UGGT2: variants seen among roughly 807,000 people sequenced by gnomAD.
UGGT2 encodes the protein UDP-glucose glycoprotein glucosyltransferase 2.
UGGT2 carries 180 observed loss-of-function variants against 192.1 expected under a neutral mutation model. That is an observed-to-expected ratio of 0.94 (90% confidence interval 0.83 to 1.06). The LOEUF is 1.06. UGGT2 is among the 50% of genes least tolerant of loss of function. The pLI is 0.00. For synonymous variants in UGGT2, 580 were observed against 591.0 expected (o/e 0.98, Z 0.27); for missense variants, 1,849 against 1,795.7 (o/e 1.03, Z -0.54).
At chr13:95,872,104 G>T (rs1891275035) in intron 29 of UGGT2, among the ~76,000 whole-genome samples, 1 of 152,178 alleles carries the variant, frequency 6.6e-6, no homozygotes, top group African/African-American at 2.4e-5. Context: ...GGCATTAAAG[G>T]TGCATAAATA....
chr13:96,020,339 C>T (rs1415636071), intron 4 of UGGT2, among the ~76,000 whole-genome samples: 1 of 152,066 alleles, frequency 6.6e-6, no homozygotes, highest in Non-Finnish European at 1.5e-5. Context: ...AACAGTCTCT[C>T]GGGGTAGTCC....
At chr13:95,894,934 G>A (rs960247652) in intron 23 of UGGT2, among the ~76,000 whole-genome samples, 6 of 152,144 alleles carry the variant, frequency 3.9e-5, no homozygotes, top group African/African-American at 9.7e-5. Flanking sequence ...CTTGGGGAGG[G>A]AGGAGACTGG....
At chr13:95,832,419 TCA>T (rs1886802375) in intron 38 of UGGT2, among the ~76,000 whole-genome samples, 1 of 152,112 alleles carries the variant, frequency 6.6e-6, no homozygotes, top group Non-Finnish European at 1.5e-5. Context: ...ACAGTTTTTT[TCA>T]TAAAAGGAAT....
rs2140052324 is a variant in UGGT2, at chr13:95,856,149, C to T, written c.4008+9G>A. The T allele has an allele frequency of 6.2e-7, 1 of 1,602,896 alleles. No homozygotes were observed. The highest frequency in any genetic ancestry group is 8.5e-7 in the Non-Finnish European group (1 of 1,175,958). The stretch of plus-strand genomic sequence containing the variant: ...GCGTATTACTAAAAATAGTAGTTAA[C>T]CTTATTACCTGGTCAGCATCAACAA... On this transcript the variant is annotated intron_variant, in intron 34 of 38. Coordinates refer to ENST00000376747, the MANE Select transcript of UGGT2 (RefSeq NM_020121.4).
intron 2 of UGGT2, among the ~76,000 whole-genome samples, chr13:96,029,298 T>C (rs942323993): frequency 2.0e-5 from 3 of 151,354 alleles, no homozygotes; most frequent in Non-Finnish European, 3.0e-5. Flanking sequence ...TATTTATTTA[T>C]TTTTTTGAGT....
chr13:95,857,296 C>A (rs1889709062), intron 33 of UGGT2, among the ~76,000 whole-genome samples: 1 of 151,896 alleles, frequency 6.6e-6, no homozygotes, highest in African/African-American at 2.4e-5. Context: ...AAATATGTGT[C>A]CAAATATTCA....
At chr13:95,930,567 A>G (rs1035936160) in intron 17 of UGGT2, among the ~76,000 whole-genome samples, 1 of 152,132 alleles carries the variant, frequency 6.6e-6, no homozygotes, top group Non-Finnish European at 1.5e-5. Context: ...AAATGTTTGT[A>G]GGTGTGTGGC....
chr13:95,891,105 G>A (rs1566646044), intron 24 of UGGT2, 141 bp from the exon 25 acceptor site: 4 of 555,904 alleles, frequency 7.2e-6, no homozygotes, highest in African/African-American at 3.9e-5. Flanking sequence ...CACAATGCTT[G>A]CAAATCTGAA....
chr13:95,907,963 G>T (rs2048346475), intron 20 of UGGT2, among the ~76,000 whole-genome samples: 1 of 152,120 alleles, frequency 6.6e-6, no homozygotes, highest in African/African-American at 2.4e-5. Context: ...GCTAAAGAAG[G>T]ATATTCGAAC....
At chr13:95,890,118 A>G (rs1237826959) in intron 25 of UGGT2, among the ~76,000 whole-genome samples, 1 of 152,204 alleles carries the variant, frequency 6.6e-6, no homozygotes, top group Non-Finnish European at 1.5e-5. Flanking sequence ...GGCCAAACCT[A>G]TAGAATACAA....
At chr13:95,814,413 T>C (rs1232606736) in intron 38 of UGGT2, among the ~76,000 whole-genome samples, 2 of 152,254 alleles carry the variant, frequency 1.3e-5, no homozygotes, top group Non-Finnish European at 1.5e-5. Context: ...CGGAGCTTTA[T>C]GATTTAATGA....
At chr13:95,943,083 T>C (rs1328093745) in intron 15 of UGGT2, among the ~76,000 whole-genome samples, 2 of 152,160 alleles carry the variant, frequency 1.3e-5, no homozygotes, top group Non-Finnish European at 2.9e-5. Flanking sequence ...TTGATAGATA[T>C]GTCTTTCCCT....
chr13:96,033,758 C>G (rs1211938093), intron 1 of UGGT2, among the ~76,000 whole-genome samples: 1 of 152,204 alleles, frequency 6.6e-6, no homozygotes, highest in East Asian at 1.9e-4. Flanking sequence ...AGCCCCCTAC[C>G]ACCTCAGCCC....
At position 95,877,447 on chromosome 13, in the gene UGGT2, A is replaced by G. The variant is rs1354716599; in HGVS notation, c.3388-83T>C. On this transcript the variant is annotated intron_variant, in intron 28 of 38. Transcript: ENST00000376747. ...CTCATGAATACACGAATGATCTAAGAAAGTATTTATTAACTGTAGAATGAA... is the reference window on the plus strand; with the variant it reads ...CTCATGAATACACGAATGATCTAAGGAAGTATTTATTAACTGTAGAATGAA... 3.4e-6 allele frequency: 4 copies of G among 1,163,828 alleles called. No individual in the cohort carries two copies. In the Admixed American group the frequency reaches 9.8e-5, roughly 29 times the overall value. The allele number at this position is 1,163,828 out of a possible 1,614,324, so 72.1% of individuals were successfully genotyped here.
chr13:96,011,333 T>C (rs955173849), intron 5 of UGGT2, among the ~76,000 whole-genome samples: 4 of 152,074 alleles, frequency 2.6e-5, no homozygotes, highest in East Asian at 1.9e-4. Flanking sequence ...TTGTAAATCA[T>C]GTATCTCATA....
intron 34 of UGGT2, 129 bp from the exon 35 acceptor site, chr13:95,854,604 A>G: frequency 1.4e-6 from 1 of 732,798 alleles, no homozygotes; most frequent in East Asian, 3.0e-5. Flanking sequence ...CAGTGCTTTC[A>G]TGTAATATGA....
intron 24 of UGGT2, among the ~76,000 whole-genome samples, chr13:95,891,794 T>C (rs1024969403): frequency 6.6e-6 from 1 of 152,270 alleles, no homozygotes; most frequent in East Asian, 1.9e-4. Flanking sequence ...ACAGGAATAT[T>C]AGTTTCTTTG....
At chr13:95,962,734 C>T (rs1031363023) in intron 12 of UGGT2, among the ~76,000 whole-genome samples, 3 of 152,104 alleles carry the variant, frequency 2.0e-5, no homozygotes, top group Non-Finnish European at 4.4e-5. Flanking sequence ...CAGACGAGGA[C>T]ACAACAATAA....
rs181935694 is a variant in UGGT2, at chr13:95,838,571, G to C, written c.4285-1369C>G. Among the ~76,000 whole-genome samples, 6 of 152,228 alleles carry C rather than the reference G, an allele frequency of 3.9e-5. No individual in the cohort carries two copies. The East Asian group carries it at 1.2e-3, about 29-fold the overall frequency. On this transcript the variant is annotated intron_variant, in intron 36 of 38. Transcript: ENST00000376747. ...CTATAAAGTTACAGTAATCAAAACA[G>C]TGTGGTATTGGAAAAATAAGAGACA...
Sources: allele counts gnomAD v4.1 joint callset (sites outside exome capture counted in the v4.1 genomes callset), GRCh38; gene constraint gnomAD v4.1.1; transcripts MANE v1.5; gene names NCBI Gene and HGNC (gene_info 2026-07-23, HGNC 2026-07-21).